Variants in HSPG2 observed in about 807,000 individuals in gnomAD.
HSPG2 encodes the protein heparan sulfate proteoglycan 2.
Under a neutral mutation model 526.6 loss-of-function variants are expected in HSPG2, and 278 were observed. The observed-to-expected ratio is 0.53, with a 90% confidence interval of 0.48 to 0.58. The LOEUF is 0.58. Ranked by LOEUF, HSPG2 falls within the 20% of genes least tolerant of loss-of-function variation. The pLI is 0.00. For synonymous variants in HSPG2, 2,465 were observed against 2,555.4 expected (o/e 0.96, Z 1.07); for missense variants, 5,354 against 6,099.5 (o/e 0.88, Z 4.07).
chr1:21,862,583 C>CA (rs1164705115), intron 37 of HSPG2, among the ~76,000 whole-genome samples: 58 of 9,160 alleles, frequency 6.3e-3, no homozygotes, highest in South Asian at 8.8e-3. Context: ...GACTCCATCT[C>CA]AAAAAAAAAA....
rs745663099 is a variant in HSPG2 at position 21,851,791 on chromosome 1, G to A, written c.7006C>T (p.Pro2336Ser). The A allele has an allele frequency of 4.3e-6, 7 of 1,613,910 alleles. No individual in the cohort carries two copies. The highest frequency in any genetic ancestry group is 2.2e-5 in the East Asian group (1 of 44,892). The change falls in exon 54 of 97, where the codon CCT becomes TCT. Residue 2336 changes from proline (P) to serine (S), a missense_variant and splice_region_variant. Pro to Ser is a moderately conservative substitution (Grantham distance 74, BLOSUM62 -1). Coordinates refer to ENST00000374695, the MANE Select transcript of HSPG2 (RefSeq NM_005529.7). ...TGTQGANLAY[P>S]AGSTQPIRIE... ...AGCCCAGCCTGGTGGCCCCACTCAC[G>A]GTAGGCTAAGTTGGCCCCCTGGGTC...
At chr1:21,921,476 C>T (rs917485265) in intron 1 of HSPG2, among the ~76,000 whole-genome samples, 6 of 152,186 alleles carry the variant, frequency 3.9e-5, no homozygotes, top group African/African-American at 1.4e-4. Flanking sequence ...GGTGCACAAG[C>T]TACCTGTCAA....
chr1:21,868,494 G>C (rs892605899), intron 33 of HSPG2, among the ~76,000 whole-genome samples: 7 of 152,012 alleles, frequency 4.6e-5, no homozygotes, highest in Non-Finnish European at 8.8e-5. Flanking sequence ...GCTCTGGGAG[G>C]CCAGGGCCCA....
intron 33 of HSPG2, chr1:21,870,837 G>C: frequency 1.0e-6 from 1 of 986,218 alleles, no homozygotes; most frequent in Non-Finnish European, 1.2e-6. Flanking sequence ...GGCCTACCTG[G>C]TGAGCCCGGC....
At chr1:21,910,549 G>T (rs1392377323) in intron 1 of HSPG2, among the ~76,000 whole-genome samples, 1 of 152,200 alleles carries the variant, frequency 6.6e-6, no homozygotes. Context: ...GGCTTCCATG[G>T]TTAGGATGAG....
chr1:21,826,758 T>C (rs2097976850), intron 91 of HSPG2, among the ~76,000 whole-genome samples: 1 of 151,662 alleles, frequency 6.6e-6, no homozygotes, highest in Non-Finnish European at 1.5e-5. Context: ...ATCTGCCCGC[T>C]TCAGCTTCCT....
intron 6 of HSPG2, among the ~76,000 whole-genome samples, chr1:21,889,562 T>G (rs1233216744): frequency 6.6e-6 from 1 of 150,548 alleles, no homozygotes; most frequent in African/African-American, 2.5e-5. Flanking sequence ...TGGGCCTCAG[T>G]TCCCTCGTCT....
chr1:21,933,731 G>T (rs1644408660), intron 1 of HSPG2, among the ~76,000 whole-genome samples: 1 of 152,220 alleles, frequency 6.6e-6, no homozygotes, highest in African/African-American at 2.4e-5. Context: ...CTTCTACCCT[G>T]CAGACAGACC....
rs186387454 is a variant in HSPG2 at position 21,905,061 on chromosome 1, C to T, written c.64-8751G>A. Among the ~76,000 whole-genome samples, 505 of 152,234 alleles carry T rather than the reference C, an allele frequency of 3.3e-3. 2 individuals carry two copies. Among genetic ancestry groups the T allele is most frequent in the Non-Finnish European group, 5.0e-3 (343 of 68,012 alleles). On this transcript the variant is annotated intron_variant, in intron 1 of 96. Transcript: ENST00000374695. ...AACCACGGCCGCTTCCTGAACCTGT[C>T]GGGTTAGGCCTTCCCACGACTCCTG...
At position 21,835,038 on chromosome 1, in the gene HSPG2, G is replaced by A. The variant is rs775046211; in HGVS notation, c.10454-93C>T. ...GACTGCCCAAGGAAAGGTGAGCACTGAAGCTCCAGCATTCATTCACTCCTC... is the reference window on the plus strand; with the variant it reads ...GACTGCCCAAGGAAAGGTGAGCACTAAAGCTCCAGCATTCATTCACTCCTC... On this transcript the variant is annotated intron_variant, in intron 76 of 96. Transcript: ENST00000374695. 27 of 1,395,410 alleles carry A rather than the reference G, an allele frequency of 1.9e-5. No homozygotes were observed. The South Asian group carries it at 3.2e-4, about 16-fold the overall frequency. The allele number at this position is 1,395,410 out of a possible 1,614,324, so 86.4% of individuals were successfully genotyped here. A position where few individuals can be genotyped will look rare whatever the true frequency, so the allele number is the denominator to read the frequency against.
Position 21,864,781 on chromosome 1 carries a change from C to T in HSPG2, c.4626+62G>A. ...GTAATCAAGGCTGCGGCGACGCCGG[C>T]TGATTTGCTTGCTGATGCCTCTGTG... On this transcript the variant is annotated intron_variant, in intron 36 of 96. Coordinates refer to ENST00000374695, the MANE Select transcript of HSPG2 (RefSeq NM_005529.7). This position sits in a 1 kb window ranked among gnomAD's most constrained non-coding sequence, Gnocchi z 4.8. 1 of 1,407,468 alleles carries T rather than the reference C, an allele frequency of 7.1e-7. No homozygotes were observed. The highest frequency in any genetic ancestry group is 9.9e-7 in the Non-Finnish European group (1 of 1,012,252). 87.2% of individuals were successfully genotyped at this position (1,407,468 alleles called of 1,614,324 possible). A position where few individuals can be genotyped will look rare whatever the true frequency, so the allele number is the denominator to read the frequency against.
chr1:21,919,362 G>A (rs1323625525), intron 1 of HSPG2, among the ~76,000 whole-genome samples: 3 of 150,524 alleles, frequency 2.0e-5, no homozygotes, highest in African/African-American at 7.3e-5. Context: ...GGAGGCGGAG[G>A]TTGCAGTGAG....
chr1:21,884,876 G>A lies in HSPG2; in HGVS notation c.1398C>T (p.Ile466=), dbSNP rs1056567623. ...TSEGGRGTLI[I]RDVKESDQGA... is the part of the protein sequence containing the mutation. ...CCTGGTCTGACTCCTTCACATCACG[G>A]ATGATCAGTGTGCCACGGCCACCCT... The change falls in exon 12 of 97, where the codon ATC becomes ATT. Residue 466 remains isoleucine (I), a synonymous_variant. Coordinates refer to ENST00000374695, the MANE Select transcript of HSPG2 (RefSeq NM_005529.7). 6.2e-7 allele frequency: 1 copy of A among 1,613,906 alleles called. No homozygotes were observed. The highest frequency in any genetic ancestry group is 1.3e-5 in the African/African-American group (1 of 74,940).
rs1428083510 is a variant in HSPG2, at chr1:21,843,453, G to A, written c.8617-15C>T. 6.2e-7 allele frequency: 1 copy of A among 1,607,456 alleles called. No homozygotes were observed. Among genetic ancestry groups the A allele is most frequent in the Admixed American group, 1.7e-5 (1 of 59,488 alleles). On this transcript the variant is annotated splice_polypyrimidine_tract_variant and intron_variant, in intron 65 of 96. Transcript: ENST00000374695. Reference sequence around the variant, plus strand: ...GGGCCGTGGACCTGGCCAAGGTGGGGTGAGAGCGGGGAGGGTGAGCTGGGA... The same window carrying A: ...GGGCCGTGGACCTGGCCAAGGTGGGATGAGAGCGGGGAGGGTGAGCTGGGA...
rs753958464 is a variant in HSPG2 at position 21,875,945 on chromosome 1, C to G, written c.3101G>C (p.Gly1034Ala). Residue 1034 changes from glycine to alanine, a missense_variant, in exon 24 of 97, where the codon GGT becomes GCT. Coordinates refer to ENST00000374695, the MANE Select transcript of HSPG2 (RefSeq NM_005529.7). ...ATGGTGCTCTAGGATGATGTTGTTA[C>G]CTTGCAGCACCACCAACGGCTGCCC... The part of the protein sequence containing the change: ...LHGQPLVVLQ[G>A]NNIILEHHVA... 1.2e-6 allele frequency: 2 copies of G among 1,614,184 alleles called. No homozygotes were observed. The highest frequency in any genetic ancestry group is 1.7e-5 in the Admixed American group (1 of 60,038).
intron 53 of HSPG2, 44 bp from the exon 54 acceptor site, chr1:21,851,970 C>T (rs1638938571): frequency 6.2e-7 from 1 of 1,606,758 alleles, no homozygotes; most frequent in Non-Finnish European, 8.5e-7. Context: ...TTCCCGGAGG[C>T]CAGCAAATGC....
At chr1:21,936,530 C>T (rs1292422900) in intron 1 of HSPG2, among the ~76,000 whole-genome samples, 1 of 152,160 alleles carries the variant, frequency 6.6e-6, no homozygotes, top group Non-Finnish European at 1.5e-5. Flanking sequence ...GTGGGGCTGG[C>T]CTCAGAGAGG....
chr1:21,856,153 A>G (rs1639323266), intron 44 of HSPG2, among the ~76,000 whole-genome samples: 1 of 151,834 alleles, frequency 6.6e-6, no homozygotes, highest in Admixed American at 6.6e-5. Flanking sequence ...GATCCACCAC[A>G]TACTCCATGC....
intron 1 of HSPG2, among the ~76,000 whole-genome samples, chr1:21,899,686 G>A (rs1642985997): frequency 6.6e-6 from 1 of 152,208 alleles, no homozygotes; most frequent in African/African-American, 2.4e-5. Context: ...ATGCCACTTT[G>A]CAATGCATTT....
Sources: allele counts gnomAD v4.1 joint callset (sites outside exome capture counted in the v4.1 genomes callset), GRCh38; gene constraint gnomAD v4.1.1; non-coding constraint Gnocchi (gnomAD v3.1); transcripts MANE v1.5; gene names NCBI Gene and HGNC (gene_info 2026-07-23, HGNC 2026-07-21).